NFATC1: variants seen among roughly 807,000 people sequenced by gnomAD.
The protein encoded by NFATC1 is nuclear factor of activated T-cells, cytoplasmic 1.
In NFATC1, 22 loss-of-function variants were observed where a neutral mutation model predicts 76.0. The observed-to-expected ratio is 0.29, with a 90% CI of 0.21 to 0.41. NFATC1 has a LOEUF of 0.41. Ranked by LOEUF, NFATC1 falls within the 10% of genes least tolerant of loss-of-function variation. The probability of loss-of-function intolerance (pLI) is 1.00; values close to 1 mark genes in which losing one functional copy is unlikely to be tolerated. For synonymous variants in NFATC1, 704 were observed against 613.1 expected, an observed-to-expected ratio of 1.15 and a Z score of -2.19; for missense variants, 1,357 against 1,337.7, an observed-to-expected ratio of 1.01 and a Z score of -0.23.
At chr18:79,440,138 A>T (rs1008851937) in intron 3 of NFATC1, among the ~76,000 whole-genome samples, 3 of 152,190 alleles carry the variant, frequency 2.0e-5, no homozygotes, top group African/African-American at 4.8e-5. Flanking sequence ...TACGAGGCGC[A>T]TGAGTGTCCC....
chr18:79,527,301 C>T, intron 9 of NFATC1: 1 of 523,802 alleles, frequency 1.9e-6, no homozygotes, highest in South Asian at 2.4e-5. Flanking sequence ...TGGTACCGTG[C>T]TACGGACGAG....
At chr18:79,467,609 C>A (rs755907573) in intron 8 of NFATC1, 27 bp downstream of exon 8, 1 of 1,612,606 alleles carries the variant, frequency 6.2e-7, no homozygotes, top group African/African-American at 1.3e-5. Context: ...AACCGTAAGC[C>A]GTGAACATGA....
At chr18:79,444,385 C>G (rs1219791652) in intron 3 of NFATC1, among the ~76,000 whole-genome samples, 1 of 152,222 alleles carries the variant, frequency 6.6e-6, no homozygotes, top group Non-Finnish European at 1.5e-5. Context: ...CACTGGGAAC[C>G]AGGACAAGAG....
chr18:79,464,574 T>C, intron 7 of NFATC1, among the ~76,000 whole-genome samples: 1 of 147,574 alleles, frequency 6.8e-6, no homozygotes, highest in Admixed American at 6.8e-5. Flanking sequence ...TCCTGCTCCA[T>C]TTGCTGCTGT....
At chr18:79,467,648 A>G in intron 8 of NFATC1, 66 bp downstream of exon 8, 2 of 1,597,682 alleles carry the variant, frequency 1.3e-6, no homozygotes, top group South Asian at 2.2e-5. Context: ...CTAAAGACGC[A>G]GAAACGACGT....
At chr18:79,447,322 G>A (rs928371936) in intron 3 of NFATC1, among the ~76,000 whole-genome samples, 1 of 152,248 alleles carries the variant, frequency 6.6e-6, no homozygotes, top group African/African-American at 2.4e-5. Context: ...GGCCCTGAGT[G>A]GGCAGCAGGC....
rs775236204 is a variant in NFATC1 at position 79,411,453 on chromosome 18, C to T, written c.1178C>T (p.Pro393Leu). The change falls in exon 2 of 10, where the codon CCC (proline) becomes CTC (leucine). Residue 393 changes from proline (P) to leucine (L), a missense_variant. Physicochemically the swap from Pro to Leu is moderately conservative, Grantham distance 98. Around this residue, in one of 3 missense-constraint regions of NFATC1, gnomAD observed 691 missense variants for 613.1 expected, o/e 1.13. Transcript: ENST00000427363. ...CAGTACCTGGCGGTGCCGCAGCACC[C>T]CTACCAGTGGGCGAAGCCCAAGCCC... is the stretch of plus-strand genomic sequence containing the variant. The part of the protein sequence containing the change: ...CDQYLAVPQH[P>L]YQWAKPKPLS... 6 of 1,515,328 alleles carry T rather than the reference C, an allele frequency of 4.0e-6. No homozygotes were observed. Among genetic ancestry groups the T allele is most frequent in the African/African-American group, 1.4e-5 (1 of 71,718 alleles). The allele number at this position is 1,515,328 out of a possible 1,614,324, so 93.9% of individuals were successfully genotyped here.
At chr18:79,434,965 G>T (rs950697805) in intron 3 of NFATC1, among the ~76,000 whole-genome samples, 1 of 152,196 alleles carries the variant, frequency 6.6e-6, no homozygotes, top group Non-Finnish European at 1.5e-5. Flanking sequence ...ACAGTGGCCC[G>T]TTTGACATTT....
At chr18:79,470,033 C>G in intron 8 of NFATC1, 1 of 983,812 alleles carries the variant, frequency 1.0e-6, no homozygotes, top group African/African-American at 1.7e-5. Context: ...ATCCGTGTTC[C>G]GTCCCGCGTG....
chr18:79,409,872 T>G (rs1445762674), intron 1 of NFATC1, among the ~76,000 whole-genome samples: 2 of 152,210 alleles, frequency 1.3e-5, no homozygotes, highest in Non-Finnish European at 2.9e-5. Flanking sequence ...GTGGGATGAA[T>G]GAGTAAAAAC....
At chr18:79,437,855 G>A (rs962891360) in intron 3 of NFATC1, among the ~76,000 whole-genome samples, 7 of 152,214 alleles carry the variant, frequency 4.6e-5, no homozygotes, top group African/African-American at 1.2e-4. Context: ...CTCCTCATCC[G>A]CACACAGCCT....
In NFATC1 at chr18:79,465,190, T is replaced by A. The variant is rs1359411322; in HGVS notation, c.1960-2260T>A. 6.6e-6 allele frequency among the ~76,000 whole-genome samples: 1 copy of A among 152,204 alleles called. No individual in the cohort carries two copies. The highest frequency in any genetic ancestry group is 6.5e-5 in the Admixed American group (1 of 15,284). On this transcript the variant is annotated intron_variant, in intron 7 of 9. Transcript: ENST00000427363. This position sits in a 1 kb window ranked among gnomAD's most constrained non-coding sequence, Gnocchi z 4.2. ...CCTCTCCCTTCCTGTTCTTCCGTGT[T>A]TCTTCTTTATCGCTTCCTTCTGTGT...
intron 2 of NFATC1, among the ~76,000 whole-genome samples, chr18:79,419,389 G>A (rs1033050156): frequency 2.0e-5 from 3 of 151,566 alleles, no homozygotes; most frequent in African/African-American, 7.3e-5. Flanking sequence ...AGCCCCCCTA[G>A]GAGGGTCAGA....
chr18:79,427,673 T>TA (rs1600681832), intron 2 of NFATC1, among the ~76,000 whole-genome samples: 29 of 32,042 alleles, frequency 9.1e-4, no homozygotes, highest in Non-Finnish European at 1.3e-3. Flanking sequence ...CTGTGTGGTG[T>TA]GGGGGCTGGA....
intron 6 of NFATC1, among the ~76,000 whole-genome samples, chr18:79,456,823 C>T (rs1460244553): frequency 2.0e-5 from 3 of 152,146 alleles, no homozygotes; most frequent in Non-Finnish European, 4.4e-5. Context: ...CCGTGGTGTG[C>T]CCTCTGACGG....
At chr18:79,467,789 G>A in intron 8 of NFATC1, 3 of 211,694 alleles carry the variant, frequency 1.4e-5, no homozygotes, top group African/African-American at 6.6e-5. Flanking sequence ...CCCTGTTGGG[G>A]GTGGGGGGCG....
chr18:79,443,761 C>T (rs1019677486), intron 3 of NFATC1, among the ~76,000 whole-genome samples: 6 of 152,198 alleles, frequency 3.9e-5, no homozygotes, highest in South Asian at 4.1e-4. Context: ...TAGCCCTGGG[C>T]GGGTGTCCCG....
At chr18:79,468,270 G>A (rs1160622290) in intron 8 of NFATC1, 1 of 151,554 alleles carries the variant, frequency 6.6e-6, no homozygotes, top group African/African-American at 2.5e-5. Context: ...CCCTGAACCA[G>A]TAGAAGAGAA....
In NFATC1 at chr18:79,427,319, A is replaced by G. The variant is rs571820907; in HGVS notation, c.1227-6260A>G. ...ATATGCCCAATTTGCCAGCATGTGC[A>G]ACAGTGAACTTCCCTGGACAGCTGG... On this transcript the variant is annotated intron_variant, in intron 2 of 9. Coordinates refer to ENST00000427363, the MANE Select transcript of NFATC1 (RefSeq NM_001278669.2). 1.5e-4 allele frequency among the ~76,000 whole-genome samples: 23 copies of G among 151,946 alleles called. No homozygotes were observed. In the East Asian group the frequency reaches 4.3e-3, roughly 28 times the overall value.
Sources: gnomAD v4.1 joint callset for allele counts (sites outside exome capture counted in the v4.1 genomes callset) on GRCh38, gnomAD v4.1.1 for gene constraint, gnomAD v4.1.1 regional missense constraint, Gnocchi (gnomAD v3.1) non-coding constraint, MANE v1.5 for transcripts, NCBI Gene and HGNC (gene_info 2026-07-23, HGNC 2026-07-21) for gene names.